The following CPNE4 variants were observed in gnomAD, a reference collection of about 807,000 sequenced individuals.
CPNE4 encodes copine-4.
In CPNE4, 25 loss-of-function variants were observed where a neutral mutation model predicts 67.9. The ratio of observed to expected loss-of-function variants is 0.37; its 90% CI spans 0.27 to 0.51. CPNE4 has a LOEUF of 0.51. Among genes scored for constraint, CPNE4 ranks in the 20% least tolerant of loss-of-function variants. The pLI is 0.93. For missense variants in CPNE4, 464 were observed against 690.8 expected (o/e 0.67, Z 3.68); for synonymous variants, 242 against 244.9 (o/e 0.99, Z 0.11).
intron 2 of CPNE4, among the ~76,000 whole-genome samples, chr3:131,881,131 C>A (rs1407067784): frequency 3.9e-5 from 6 of 152,150 alleles, no homozygotes; most frequent in Non-Finnish European, 8.8e-5. Context: ...AGACAAAAAC[C>A]AGACTGTTCC....
intron 2 of CPNE4, among the ~76,000 whole-genome samples, chr3:131,840,992 C>T (rs1379052948): frequency 1.3e-5 from 2 of 152,188 alleles, no homozygotes; most frequent in African/African-American, 4.8e-5. Context: ...TTCCCCCATT[C>T]ATCACCACTT....
intron 11 of CPNE4, among the ~76,000 whole-genome samples, chr3:131,561,023 A>T (rs1273744722): frequency 2.0e-5 from 3 of 152,044 alleles, no homozygotes; most frequent in Admixed American, 6.6e-5. Context: ...ATTGGGTTTC[A>T]GTTCTAACTT....
In CPNE4 at chr3:131,941,652, G is replaced by T. The variant is rs78977130; in HGVS notation, c.-1-36208C>A. Among the ~76,000 whole-genome samples the T allele has an allele frequency of 1.6e-3, 244 of 152,110 alleles. 5 individuals carry two copies. In the South Asian group the frequency reaches 0.025, roughly 15 times the overall value. ...ATATTATAAAGTGATTCAATAAAAG[G>T]CTAAAGAATGTTAAAACTTCTGGTT... On this transcript the variant is annotated intron_variant, in intron 1 of 15. Transcript: ENST00000429747.
At chr3:131,909,266 GGATA>G (rs1284443466) in intron 1 of CPNE4, among the ~76,000 whole-genome samples, 1 of 152,032 alleles carries the variant, frequency 6.6e-6, no homozygotes, top group African/African-American at 2.4e-5. Context: ...TAACTTCCTG[GGATA>G]GACAATTTAT....
intron 2 of CPNE4, among the ~76,000 whole-genome samples, chr3:131,894,694 C>G (rs1329709809): frequency 6.6e-6 from 1 of 151,594 alleles, no homozygotes; most frequent in Non-Finnish European, 1.5e-5. Flanking sequence ...TGGCTATTAT[C>G]AAGAAGACAA....
At chr3:131,802,552 C>G (rs2084170915) in intron 2 of CPNE4, among the ~76,000 whole-genome samples, 1 of 152,160 alleles carries the variant, frequency 6.6e-6, no homozygotes, top group Non-Finnish European at 1.5e-5. Context: ...ATACATTGCA[C>G]TTAGCCTGGG....
chr3:131,896,318 G>A (rs767786790), intron 2 of CPNE4, among the ~76,000 whole-genome samples: 2 of 151,710 alleles, frequency 1.3e-5, no homozygotes, highest in Non-Finnish European at 2.9e-5. Context: ...CTATTGTATG[G>A]GCTTCACTCC....
chr3:131,771,469 C>T (rs1463011685), intron 2 of CPNE4, among the ~76,000 whole-genome samples: 2 of 152,038 alleles, frequency 1.3e-5, no homozygotes, highest in African/African-American at 2.4e-5. Flanking sequence ...AATAGAGTTG[C>T]TACTCTGTAA....
At chr3:131,923,380 G>C (rs2070793906) in intron 1 of CPNE4, among the ~76,000 whole-genome samples, 1 of 152,154 alleles carries the variant, frequency 6.6e-6, no homozygotes, top group Non-Finnish European at 1.5e-5. Flanking sequence ...GGGACTATAA[G>C]GCCTGTGAGA....
intron 3 of CPNE4, among the ~76,000 whole-genome samples, chr3:131,708,489 A>G (rs2081469598): frequency 1.3e-5 from 2 of 152,152 alleles, no homozygotes; most frequent in Admixed American, 1.3e-4. Flanking sequence ...GCAGGAGCTG[A>G]TGGAGGAATG....
intron 2 of CPNE4, among the ~76,000 whole-genome samples, chr3:131,802,457 A>T (rs1270770147): frequency 3.3e-5 from 5 of 152,184 alleles, no homozygotes. Flanking sequence ...TGGTTTGCAC[A>T]GAAGAAAAAT....
rs756087822 is a variant in CPNE4, at chr3:131,535,145, A to G, written c.*50T>C. The G allele has an allele frequency of 6.6e-7, 1 of 1,522,928 alleles. No homozygotes were observed. Among genetic ancestry groups the G allele is most frequent in the South Asian group, 1.3e-5 (1 of 77,398 alleles). The allele number at this position is 1,522,928 out of a possible 1,614,324, so 94.3% of individuals were successfully genotyped here. A position where few individuals can be genotyped will look rare whatever the true frequency, so the allele number is the denominator to read the frequency against. On this transcript the variant is annotated 3_prime_UTR_variant, in exon 16 of 16. Transcript: ENST00000429747. ...GGAGTAGTAGAAGTATTAAATATGAAATATTAGCAGGAATAGTATTTCAGA... is the reference window on the plus strand; with the variant it reads ...GGAGTAGTAGAAGTATTAAATATGAGATATTAGCAGGAATAGTATTTCAGA...
Position 131,993,897 on chromosome 3 carries a change from A to C in CPNE4, c.-2+40670T>G, listed in dbSNP as rs77825811. Among the ~76,000 whole-genome samples the C allele has an allele frequency of 6.6e-5, 9 of 136,094 alleles. 4 individuals are homozygous for C. Among genetic ancestry groups the C allele is most frequent in the Non-Finnish European group, 1.3e-4 (8 of 59,994 alleles). 89.3% of individuals were successfully genotyped at this position (136,094 alleles called of 152,430 possible). On this transcript the variant is annotated intron_variant, in intron 1 of 15. Coordinates refer to ENST00000429747, the MANE Select transcript of CPNE4 (RefSeq NM_130808.3). ...AGAAACAATGCTGTCTCTGTCCTCA[A>C]ATAAAATGATTATTTACATAGAAAA... is the stretch of plus-strand genomic sequence containing the variant.
At chr3:131,783,808 T>C (rs2083485587) in intron 2 of CPNE4, among the ~76,000 whole-genome samples, 1 of 152,004 alleles carries the variant, frequency 6.6e-6, no homozygotes, top group Non-Finnish European at 1.5e-5. Flanking sequence ...TTCAGCAAGG[T>C]CATCTCCTAT....
intron 2 of CPNE4, among the ~76,000 whole-genome samples, chr3:131,753,865 A>G (rs2082689330): frequency 6.6e-6 from 1 of 152,116 alleles, no homozygotes; most frequent in South Asian, 2.1e-4. Flanking sequence ...TATTAGCAAC[A>G]TCTACTTTAA....
At chr3:131,545,536 TC>T (rs1415614737) in intron 14 of CPNE4, among the ~76,000 whole-genome samples, 1 of 152,242 alleles carries the variant, frequency 6.6e-6, no homozygotes, top group African/African-American at 2.4e-5. Context: ...ACACATATTT[TC>T]CTGTTATATT....
At chr3:132,021,284 C>G (rs1310444451) in intron 1 of CPNE4, among the ~76,000 whole-genome samples, 1 of 152,230 alleles carries the variant, frequency 6.6e-6, no homozygotes, top group Non-Finnish European at 1.5e-5. Flanking sequence ...TATAATCATT[C>G]ATGCCACAAG....
intron 7 of CPNE4, among the ~76,000 whole-genome samples, chr3:131,591,882 C>T (rs1413480255): frequency 6.6e-6 from 1 of 152,160 alleles, no homozygotes; most frequent in African/African-American, 2.4e-5. Flanking sequence ...GAGACAGAGG[C>T]AGAGTCCTTG....
At chr3:132,028,515 GTAAGAGATGGGGGAAGGGA>G (rs1423120548) in intron 1 of CPNE4, among the ~76,000 whole-genome samples, 1 of 152,112 alleles carries the variant, frequency 6.6e-6, no homozygotes, top group Non-Finnish European at 1.5e-5. Flanking sequence ...GGGGGAAGGG[GTAAGAGATGGGGGAAGGGA>G]TAAGAGATGG....
Sources: allele counts gnomAD v4.1 joint callset (sites outside exome capture counted in the v4.1 genomes callset), GRCh38; gene constraint gnomAD v4.1.1; transcripts MANE v1.5; gene names NCBI Gene and HGNC (gene_info 2026-07-23, HGNC 2026-07-21).